The following TECTA variants were observed in gnomAD, a reference collection of about 807,000 sequenced individuals.
TECTA encodes the protein tectorin alpha, also known as alpha-tectorin.
TECTA carries 128 observed loss-of-function variants against 216.8 expected under a neutral mutation model. That is an observed-to-expected ratio of 0.59 (90% CI 0.51 to 0.68). The LOEUF is 0.68. TECTA is among the 30% of genes least tolerant of loss of function. TECTA has a pLI of 0.00. For missense variants in TECTA, 2,551 were observed against 2,786.2 expected (o/e 0.92, Z 1.90); for synonymous variants, 1,089 against 1,117.1 (o/e 0.97, Z 0.50).
At chr11:121,106,030 A>T in intron 3 of TECTA, 66 bp downstream of exon 3, 1 of 1,611,526 alleles carries the variant, frequency 6.2e-7, no homozygotes, top group Non-Finnish European at 8.5e-7. Context: ...TAAGAAAAGC[A>T]TTTTAAGTAT....
At chr11:121,131,803 T>G (rs1591446350) in intron 10 of TECTA, among the ~76,000 whole-genome samples, 1 of 152,224 alleles carries the variant, frequency 6.6e-6, no homozygotes, top group South Asian at 2.1e-4. Context: ...CAGTTTGAGT[T>G]GGCTTATATT....
chr11:121,190,159 C>G (rs931818959), intron 23 of TECTA: 1 of 426,352 alleles, frequency 2.3e-6, no homozygotes, highest in African/African-American at 2.0e-5. Context: ...CATATATTGG[C>G]CTACATCTGG....
chr11:121,124,365 G>T (rs777967507), intron 7 of TECTA, among the ~76,000 whole-genome samples: 1 of 152,074 alleles, frequency 6.6e-6, no homozygotes, highest in East Asian at 1.9e-4. Context: ...CTCAGTGTCT[G>T]CCCCCCAACC....
intron 11 of TECTA, 134 bp from the exon 12 acceptor site, chr11:121,145,421 G>A: frequency 1.2e-6 from 1 of 859,656 alleles, no homozygotes; most frequent in Non-Finnish European, 2.0e-6. Context: ...ATAAACAACA[G>A]TACATGCAAA....
In TECTA at chr11:121,182,077, G is replaced by T. The variant is rs73584917; in HGVS notation, c.6000-5755G>T. The stretch of plus-strand genomic sequence containing the variant: ...ATATGGTGAGGCTTTGCTGGGGACA[G>T]GGATGCCAGATGGGCCAGTCCTCGG... On this transcript the variant is annotated intron_variant, in intron 20 of 23. Coordinates refer to ENST00000392793, the MANE Select transcript of TECTA (RefSeq NM_005422.4). 9.8e-3 allele frequency among the ~76,000 whole-genome samples: 1,493 copies of T among 152,324 alleles called. 22 individuals carry two copies. The highest frequency in any genetic ancestry group is 0.034 in the African/African-American group (1,423 of 41,562).
At chr11:121,155,734 G>A (rs1946934521) in intron 13 of TECTA, among the ~76,000 whole-genome samples, 1 of 152,166 alleles carries the variant, frequency 6.6e-6, no homozygotes, top group Non-Finnish European at 1.5e-5. Context: ...AATGCATTGA[G>A]TGCCCACATC....
At chr11:121,188,061 G>A in intron 21 of TECTA, 67 bp downstream of exon 21, 8 of 1,562,436 alleles carry the variant, frequency 5.1e-6, no homozygotes, top group Non-Finnish European at 7.0e-6. Context: ...CCAACATGAG[G>A]ATCGTGAATG....
rs758909743 is a variant in TECTA, at chr11:121,125,364, G to C, written c.1266G>C (p.Gln422His). Residue 422 changes from glutamine to histidine, a missense_variant, in exon 8 of 24, where the codon CAG becomes CAC. By Grantham distance (24) the Gln-to-His change is conservative (BLOSUM62 0). Coordinates refer to ENST00000392793, the MANE Select transcript of TECTA (RefSeq NM_005422.4). The stretch of plus-strand genomic sequence containing the variant: ...ACTTGGGGACAGTGAAAATCTACCA[G>C]AGTGGCATATCTACTGCCGTGGAAA... ...TLDLGTVKIY[Q>H]SGISTAVETD... 2 of 1,614,176 alleles carry C rather than the reference G, an allele frequency of 1.2e-6. No individual in the cohort carries two copies. Among genetic ancestry groups the C allele is most frequent in the Admixed American group, 3.3e-5 (2 of 60,030 alleles).
At chr11:121,131,462 A>T (rs1450066210) in intron 10 of TECTA, among the ~76,000 whole-genome samples, 2 of 152,318 alleles carry the variant, frequency 1.3e-5, no homozygotes, top group African/African-American at 4.8e-5. Context: ...TGCTGTCATT[A>T]TGCCTGTTTG....
At position 121,128,059 on chromosome 11, in the gene TECTA, G is replaced by A. The variant is rs757148401; in HGVS notation, c.2082G>A (p.Glu694=). 1 of 1,612,644 alleles carries A rather than the reference G, an allele frequency of 6.2e-7. No individual in the cohort carries two copies. The highest frequency in any genetic ancestry group is 8.5e-7 in the Non-Finnish European group (1 of 1,179,408). ...YCFNKTCGSG[E]VCAVEDGYQG... ...TCAACAAGACCTGCGGCAGCGGGGA[G>A]GTGTGCGCCGTGGAGGACGGCTACC... The change falls in exon 9 of 24, where the codon GAG becomes GAA. Residue 694 remains glutamate, a synonymous_variant. Coordinates refer to ENST00000392793, the MANE Select transcript of TECTA (RefSeq NM_005422.4).
intron 20 of TECTA, among the ~76,000 whole-genome samples, chr11:121,180,294 T>C (rs768168640): frequency 6.6e-6 from 1 of 152,212 alleles, no homozygotes; most frequent in African/African-American, 2.4e-5. Flanking sequence ...CACTTAAATG[T>C]TCTTGTAGGG....
At chr11:121,138,537 A>G (rs1565527209) in intron 11 of TECTA, among the ~76,000 whole-genome samples, 1 of 152,154 alleles carries the variant, frequency 6.6e-6, no homozygotes, top group African/African-American at 2.4e-5. Context: ...TTGGCTCCCA[A>G]GGGATCTGTG....
At chr11:121,111,173 G>C (rs1295212712) in intron 4 of TECTA, among the ~76,000 whole-genome samples, 11 of 152,206 alleles carry the variant, frequency 7.2e-5, no homozygotes. Context: ...TATGTGTCTG[G>C]TGCTGAAGGC....
rs777746385 is a variant in TECTA, at chr11:121,166,675, G to T, written c.5481G>T (p.Arg1827Ser). The T allele has an allele frequency of 1.2e-6, 2 of 1,614,182 alleles. No individual in the cohort carries two copies. The highest frequency in any genetic ancestry group is 1.7e-6 in the Non-Finnish European group (2 of 1,180,044). Reference sequence around the variant, plus strand: ...AGCTCTTCCAGCTCGGTTTTGAGAGGGAGGGCGTGAGGATCAATGACAGAC... The same window carrying T: ...AGCTCTTCCAGCTCGGTTTTGAGAGTGAGGGCGTGAGGATCAATGACAGAC... Reference protein sequence around the residue: ...KCKLFQLGFEREGVRINDRQC... With the variant: ...KCKLFQLGFESEGVRINDRQC... The change falls in exon 18 of 24, where the codon AGG (arginine) becomes AGT (serine). Residue 1827 changes from arginine to serine, a missense_variant. Transcript: ENST00000392793.
intron 10 of TECTA, among the ~76,000 whole-genome samples, chr11:121,133,956 G>A (rs543887338): frequency 2.0e-5 from 3 of 152,156 alleles, no homozygotes; most frequent in Admixed American, 2.0e-4. Flanking sequence ...TTATCAATCT[G>A]GACATGGATG....
intron 13 of TECTA, among the ~76,000 whole-genome samples, 177 bp from the exon 14 acceptor site, chr11:121,157,664 G>C (rs1202730462): frequency 1.3e-5 from 2 of 152,208 alleles, no homozygotes; most frequent in African/African-American, 4.8e-5. Flanking sequence ...CGTCTGAGTT[G>C]CATGGAACTG....
In TECTA at chr11:121,105,925, C is replaced by T; in HGVS notation, c.159C>T (p.Ile53=). The T allele has an allele frequency of 1.2e-6, 2 of 1,614,170 alleles. No homozygotes were observed. The highest frequency in any genetic ancestry group is 1.1e-5 in the South Asian group (1 of 91,074). The change falls in exon 3 of 24, where the codon ATC becomes ATT. Residue 53 remains isoleucine, a synonymous_variant. Transcript: ENST00000392793. The surrounding 1 kb of genome is among the most constrained non-coding windows in gnomAD (Gnocchi z 5.3). ...GCTCATCTGAGATTAAGTTGGCCAT[C>T]CCAGTTTTCTTCTTTGGCGTTCCTT... The part of the protein sequence containing the change: ...DGSSSEIKLA[I]PVFFFGVPYR...
In TECTA at chr11:121,113,850, G is replaced by C; in HGVS notation, c.790+132G>C. ...TGACATCTCTCCGCTGGGTAATGGA[G>C]ATCAAGGTAATTTTAGCATGTGCAT... On this transcript the variant is annotated intron_variant, in intron 6 of 23. Transcript: ENST00000392793. This position sits in a 1 kb window ranked among gnomAD's most constrained non-coding sequence, Gnocchi z 4.2. 9.1e-7 allele frequency: 1 copy of C among 1,099,228 alleles called. No individual in the cohort carries two copies. Among genetic ancestry groups the C allele is most frequent in the Non-Finnish European group, 1.3e-6 (1 of 745,344 alleles). 68.1% of individuals were successfully genotyped at this position (1,099,228 alleles called of 1,614,324 possible).
intron 20 of TECTA, among the ~76,000 whole-genome samples, chr11:121,177,402 C>T (rs895328207): frequency 9.9e-5 from 15 of 152,250 alleles, no homozygotes; most frequent in Admixed American, 4.6e-4. Flanking sequence ...CAGACAGGAC[C>T]CTCAGCTGCA....
Sources: allele counts gnomAD v4.1 joint callset (sites outside exome capture counted in the v4.1 genomes callset), GRCh38; gene constraint gnomAD v4.1.1; non-coding constraint Gnocchi (gnomAD v3.1); transcripts MANE v1.5; gene names NCBI Gene and HGNC (gene_info 2026-07-23, HGNC 2026-07-21).